NDST3: variants seen among roughly 807,000 people sequenced by gnomAD.
NDST3 encodes the protein N-deacetylase and N-sulfotransferase 3.
Under a neutral mutation model 96.1 loss-of-function variants are expected in NDST3, and 58 were observed. The ratio of observed to expected loss-of-function variants is 0.60; its 90% CI spans 0.49 to 0.75. NDST3 has a LOEUF of 0.75. NDST3 is among the 30% of genes least tolerant of loss of function. The pLI is 0.00. For synonymous variants in NDST3, 333 were observed against 359.7 expected (o/e 0.93, Z 0.84); for missense variants, 788 against 1,034.2 (o/e 0.76, Z 3.27).
intron 6 of NDST3, among the ~76,000 whole-genome samples, chr4:118,180,445 T>G (rs1736538803): frequency 6.6e-6 from 1 of 152,184 alleles, no homozygotes; most frequent in Non-Finnish European, 1.5e-5. Context: ...TTCATTGCTT[T>G]CCATGGCTGT....
intron 6 of NDST3, among the ~76,000 whole-genome samples, chr4:118,145,346 T>G (rs532673386): frequency 5.9e-5 from 9 of 152,210 alleles, no homozygotes; most frequent in Non-Finnish European, 1.2e-4. Context: ...ACATTTACTT[T>G]CATCATAGAG....
At chr4:118,114,653 C>T (rs1314384628) in intron 3 of NDST3, among the ~76,000 whole-genome samples, 153 bp from the exon 4 acceptor site, 3 of 152,086 alleles carry the variant, frequency 2.0e-5, no homozygotes, top group Admixed American at 2.0e-4. Flanking sequence ...ACAGATTTTC[C>T]TTGATACATT....
intron 2 of NDST3, among the ~76,000 whole-genome samples, chr4:118,096,987 T>C (rs550950304): frequency 1.3e-5 from 2 of 151,960 alleles, no homozygotes; most frequent in Non-Finnish European, 2.9e-5. Context: ...AGCTCCCTCT[T>C]ACTTGCAAAA....
In NDST3 at chr4:118,242,063, A is replaced by G; in HGVS notation, c.2313A>G (p.Gln771=). 6.2e-7 allele frequency: 1 copy of G among 1,612,392 alleles called. No individual in the cohort carries two copies. Among genetic ancestry groups the G allele is most frequent in the South Asian group, 1.1e-5 (1 of 90,782 alleles). The change falls in exon 12 of 14, where the codon CAA becomes CAG. Residue 771 remains glutamine (Q), a synonymous_variant. Transcript: ENST00000296499. ...AGTTGCTAATTATTGATGGGCAACA[A>G]CTAAGAACTGATCCTGCTACAGTGA... ...PFQLLIIDGQ[Q]LRTDPATVMD... is the part of the protein sequence containing the mutation.
chr4:118,092,049 CTTAT>C (rs72446384), intron 2 of NDST3, among the ~76,000 whole-genome samples: 13,736 of 54,658 alleles, frequency 0.25, 759 homozygotes, highest in Middle Eastern at 0.3. Flanking sequence ...TAGGTATTTT[CTTAT>C]TTATTTATTT....
chr4:118,090,567 C>T (rs1728783351), intron 2 of NDST3, among the ~76,000 whole-genome samples: 1 of 151,802 alleles, frequency 6.6e-6, no homozygotes, highest in Non-Finnish European at 1.5e-5. Flanking sequence ...GGATAACAAT[C>T]AAAACAAGAT....
chr4:118,068,166 CTT>C (rs34891564), intron 2 of NDST3, among the ~76,000 whole-genome samples: 28 of 84,328 alleles, frequency 3.3e-4, no homozygotes, highest in African/African-American at 9.1e-4. Flanking sequence ...TACTTGATCT[CTT>C]TTTTTTTTTT....
In NDST3 at chr4:118,166,175, A is replaced by G. The variant is rs35704864; in HGVS notation, c.1539+22491A>G. ...TTGGCAAACCTTTAGTTACTAACAA[A>G]AAAGGAAGAAGACTCAAATAAATAA... On this transcript the variant is annotated intron_variant, in intron 6 of 13. Coordinates refer to ENST00000296499, the MANE Select transcript of NDST3 (RefSeq NM_004784.3). Among the ~76,000 whole-genome samples the G allele has an allele frequency of 5.7e-3, 864 of 151,976 alleles. 11 individuals carry two copies. The highest frequency in any genetic ancestry group is 0.02 in the African/African-American group (831 of 41,542).
chr4:118,151,470 T>C (rs1319725398), intron 6 of NDST3, among the ~76,000 whole-genome samples: 2 of 152,126 alleles, frequency 1.3e-5, no homozygotes, highest in African/African-American at 2.4e-5. Context: ...ACATGCCTAA[T>C]AGTGAGTACT....
At chr4:118,109,785 A>T (rs1730495363) in intron 3 of NDST3, among the ~76,000 whole-genome samples, 1 of 152,138 alleles carries the variant, frequency 6.6e-6, no homozygotes, top group Non-Finnish European at 1.5e-5. Flanking sequence ...CTTTTTCTAT[A>T]AAAAAATTCT....
At chr4:118,193,842 C>T (rs1223485387) in intron 6 of NDST3, 4 of 1,306,500 alleles carry the variant, frequency 3.1e-6, no homozygotes, top group African/African-American at 2.9e-5. Flanking sequence ...AGGGCCTGTG[C>T]CTTCTGTGTT....
intron 6 of NDST3, among the ~76,000 whole-genome samples, chr4:118,165,083 T>C (rs1394612947): frequency 6.6e-6 from 1 of 152,090 alleles, no homozygotes; most frequent in Admixed American, 6.6e-5. Flanking sequence ...TCCCTATCAG[T>C]AGTTACATTA....
chr4:118,240,596 G>T lies in NDST3; in HGVS notation c.2191G>T (p.Ala731Ser), dbSNP rs1402590226. 1.2e-6 allele frequency: 2 copies of T among 1,613,798 alleles called. No homozygotes were observed. The highest frequency in any genetic ancestry group is 2.7e-5 in the African/African-American group (2 of 74,922). ...FYEVISAGPRAPSELRALQKR... is the reference protein window; with the variant it reads ...FYEVISAGPRSPSELRALQKR... ...CGAAGTGATCTCAGCAGGGCCCCGT[G>T]CACCCTCGGAGCTCAGAGCCTTGCA... Residue 731 changes from alanine to serine, a missense_variant, in exon 11 of 14, where the codon GCA (alanine) becomes TCA (serine). Ala to Ser is a moderately conservative substitution (Grantham distance 99). Transcript: ENST00000296499.
chr4:118,160,289 C>T (rs1286778017), intron 6 of NDST3, among the ~76,000 whole-genome samples: 1 of 152,072 alleles, frequency 6.6e-6, no homozygotes, highest in Non-Finnish European at 1.5e-5. Context: ...TAATTGCCAA[C>T]TGAGAATACT....
intron 12 of NDST3, among the ~76,000 whole-genome samples, chr4:118,244,644 G>A (rs537118413): frequency 3.9e-5 from 6 of 152,220 alleles, no homozygotes; most frequent in African/African-American, 7.2e-5. Flanking sequence ...CAATCTTGGT[G>A]TGAAAGAGTA....
At chr4:118,227,725 C>T (rs1434655547) in intron 8 of NDST3, among the ~76,000 whole-genome samples, 19 of 151,620 alleles carry the variant, frequency 1.3e-4, no homozygotes, top group Admixed American at 1.2e-3. Flanking sequence ...CATTCTCCTG[C>T]CTCAGCCTCC....
In NDST3 at chr4:118,239,483, C is replaced by T. The variant is rs547966844; in HGVS notation, c.2119-1041C>T. ...AAGCCATCTTTTAAATCAAAACATACAGCAAATTGCAAATTGCCTGATTTG... is the reference window on the plus strand; with the variant it reads ...AAGCCATCTTTTAAATCAAAACATATAGCAAATTGCAAATTGCCTGATTTG... On this transcript the variant is annotated intron_variant, in intron 10 of 13. Transcript: ENST00000296499. Among the ~76,000 whole-genome samples, 20 of 152,280 alleles carry T rather than the reference C, an allele frequency of 1.3e-4. No homozygotes were observed. The South Asian group carries it at 2.3e-3, about 17-fold the overall frequency.
chr4:118,218,380 G>A (rs1294267367), intron 6 of NDST3, among the ~76,000 whole-genome samples: 1 of 152,068 alleles, frequency 6.6e-6, no homozygotes, highest in East Asian at 1.9e-4. Context: ...ATTCAAGGCT[G>A]GTTCAACATA....
At chr4:118,147,275 A>T (rs1381288964) in intron 6 of NDST3, among the ~76,000 whole-genome samples, 1 of 152,138 alleles carries the variant, frequency 6.6e-6, no homozygotes, top group African/African-American at 2.4e-5. Flanking sequence ...TCAGAAACAG[A>T]CCTCAGAGTG....
Sources: allele counts gnomAD v4.1 joint callset (sites outside exome capture counted in the v4.1 genomes callset), GRCh38; gene constraint gnomAD v4.1.1; transcripts MANE v1.5; gene names NCBI Gene and HGNC (gene_info 2026-07-23, HGNC 2026-07-21).